Variants in ATXN1 observed in about 807,000 individuals in gnomAD.
ATXN1 encodes the protein ataxin 1.
Under a neutral mutation model 56.4 loss-of-function variants are expected in ATXN1, and 8 were observed. The ratio of observed to expected loss-of-function variants is 0.14; its 90% CI spans 0.08 to 0.26. The LOEUF (loss-of-function observed/expected upper bound fraction) is 0.26. ATXN1 is among the 10% of genes least tolerant of loss of function. The pLI is 1.00. For missense variants in ATXN1, 987 were observed against 1,106.5 expected, an observed-to-expected ratio of 0.89 and a Z score of 1.53; for synonymous variants, 514 against 494.6, an observed-to-expected ratio of 1.04 and a Z score of -0.52.
intron 6 of ATXN1, among the ~76,000 whole-genome samples, chr6:16,429,421 G>T (rs970350534): frequency 7.1e-5 from 8 of 112,826 alleles, no homozygotes; most frequent in South Asian, 2.9e-4. Context: ...AGTATTTTTT[G>T]TTCGTTTTTT....
intron 2 of ATXN1, among the ~76,000 whole-genome samples, chr6:16,659,050 G>A (rs898513721): frequency 2.6e-5 from 4 of 152,172 alleles, no homozygotes; most frequent in African/African-American, 9.7e-5. Flanking sequence ...GACGTTTGAG[G>A]AGTTGTGTCT....
In ATXN1 at chr6:16,301,327, G is replaced by A. The variant is rs1760092141; in HGVS notation, c.*5002C>T. 6.6e-6 allele frequency: 1 copy of A among 152,544 alleles called. No individual in the cohort carries two copies. The highest frequency in any genetic ancestry group is 2.1e-4 in the South Asian group (1 of 4,830). The allele number at this position is 152,544 out of a possible 1,614,324, so 9.4% of individuals were successfully genotyped here. Reference sequence around the variant, plus strand: ...CAAGAAAAGATCCTATCATCAGTAAGGTAACGTATTTGAAGCGAGGTCATC... The same window carrying A: ...CAAGAAAAGATCCTATCATCAGTAAAGTAACGTATTTGAAGCGAGGTCATC... On this transcript the variant is annotated 3_prime_UTR_variant, in exon 8 of 8. Coordinates refer to ENST00000436367, the MANE Select transcript of ATXN1 (RefSeq NM_001128164.2).
chr6:16,598,720 G>A (rs12192838), intron 3 of ATXN1, among the ~76,000 whole-genome samples: 1 of 151,930 alleles, frequency 6.6e-6, no homozygotes, highest in Non-Finnish European at 1.5e-5. Context: ...GCTGGAGTGG[G>A]GGTGGCAGGA....
At chr6:16,642,735 G>A (rs9370916) in intron 3 of ATXN1, among the ~76,000 whole-genome samples, 71,410 of 152,006 alleles carry the variant, frequency 0.47, 17,682 homozygotes, top group Admixed American at 0.56. Flanking sequence ...AGCCATCAAC[G>A]TAAAGACCCT....
At chr6:16,713,243 T>C (rs1011292445) in intron 2 of ATXN1, among the ~76,000 whole-genome samples, 1 of 152,234 alleles carries the variant, frequency 6.6e-6, no homozygotes, top group African/African-American at 2.4e-5. Flanking sequence ...TGAATAAGTT[T>C]CAATACAATT....
chr6:16,516,813 A>G (rs995644475), intron 5 of ATXN1, among the ~76,000 whole-genome samples: 10 of 151,948 alleles, frequency 6.6e-5, no homozygotes, highest in Admixed American at 2.6e-4. Context: ...TGTCACTTTT[A>G]CTCACTCCTT....
chr6:16,543,874 G>C (rs576749116), intron 4 of ATXN1, among the ~76,000 whole-genome samples: 4 of 101,846 alleles, frequency 3.9e-5, no homozygotes, highest in Non-Finnish European at 6.9e-5. Flanking sequence ...CAAGGGTCTC[G>C]CAACAAAAGT....
At chr6:16,665,863 A>C (rs1389844308) in intron 2 of ATXN1, among the ~76,000 whole-genome samples, 1 of 152,164 alleles carries the variant, frequency 6.6e-6, no homozygotes, top group East Asian at 1.9e-4. Context: ...TTTTATTTTT[A>C]TGGGTACATG....
chr6:16,336,551 G>A (rs1032337085), intron 6 of ATXN1, among the ~76,000 whole-genome samples: 7 of 152,194 alleles, frequency 4.6e-5, no homozygotes, highest in African/African-American at 1.7e-4. Context: ...GGCCATAGGA[G>A]TGGTGAGACT....
intron 6 of ATXN1, among the ~76,000 whole-genome samples, chr6:16,434,797 T>A (rs998228799): frequency 3.9e-5 from 6 of 152,200 alleles, no homozygotes; most frequent in African/African-American, 1.4e-4. Context: ...TCATAGTGCT[T>A]CTTAGTTGGG....
chr6:16,386,114 G>A (rs16877977), intron 6 of ATXN1, among the ~76,000 whole-genome samples: 18,327 of 152,218 alleles, frequency 0.12, 1,179 homozygotes, highest in African/African-American at 0.15. Flanking sequence ...CTCTAAAGCA[G>A]TCTGCATTAC....
At chr6:16,444,328 C>T (rs1759590768) in intron 6 of ATXN1, among the ~76,000 whole-genome samples, 1 of 151,994 alleles carries the variant, frequency 6.6e-6, no homozygotes, top group African/African-American at 2.4e-5. Context: ...AGAGCTAAGG[C>T]AAGAAATGTA....
intron 6 of ATXN1, among the ~76,000 whole-genome samples, chr6:16,452,980 C>CT (rs754611432): frequency 3.2e-4 from 49 of 152,274 alleles, no homozygotes; most frequent in Admixed American, 5.9e-4. Context: ...ATTAAACTTA[C>CT]TTTATCACCA....
intron 5 of ATXN1, among the ~76,000 whole-genome samples, chr6:16,505,449 A>G (rs142820144): frequency 1.3e-5 from 2 of 152,362 alleles, no homozygotes; most frequent in East Asian, 1.9e-4. Flanking sequence ...TAAAAAGTTA[A>G]TAAGGGAAAG....
intron 6 of ATXN1, among the ~76,000 whole-genome samples, chr6:16,333,798 C>G (rs1266732210): frequency 6.6e-6 from 1 of 152,234 alleles, no homozygotes; most frequent in African/African-American, 2.4e-5. Flanking sequence ...ACTCACCAAT[C>G]TCCTTCCAGC....
chr6:16,729,173 A>G (rs1759912955), intron 2 of ATXN1, among the ~76,000 whole-genome samples: 2 of 152,222 alleles, frequency 1.3e-5, no homozygotes, highest in Admixed American at 1.3e-4. Flanking sequence ...TGTTATTGGC[A>G]GAACCAGGAT....
chr6:16,678,963 G>A (rs192354236), intron 2 of ATXN1, among the ~76,000 whole-genome samples: 3 of 152,006 alleles, frequency 2.0e-5, no homozygotes, highest in Non-Finnish European at 4.4e-5. Context: ...TTGAACTCGA[G>A]AGACAGAGGT....
chr6:16,685,776 A>C (rs1411165994), intron 2 of ATXN1, among the ~76,000 whole-genome samples: 1 of 152,200 alleles, frequency 6.6e-6, no homozygotes, highest in Non-Finnish European at 1.5e-5. Context: ...ATGTTCTCTA[A>C]GCATTATCAA....
chr6:16,466,317 C>CA (rs200261208), intron 6 of ATXN1, among the ~76,000 whole-genome samples: 3,567 of 79,376 alleles, frequency 0.045, 174 homozygotes, highest in Non-Finnish European at 0.06. Context: ...GACCCCATCT[C>CA]AAAAAAAAAA....
Sources: allele counts gnomAD v4.1 joint callset (sites outside exome capture counted in the v4.1 genomes callset), GRCh38; gene constraint gnomAD v4.1.1; transcripts MANE v1.5; gene names NCBI Gene and HGNC (gene_info 2026-07-23, HGNC 2026-07-21).